DOCK1: variants seen among roughly 807,000 people sequenced by gnomAD.
The protein encoded by DOCK1 is dedicator of cytokinesis 1.
Under a neutral mutation model 262.7 loss-of-function variants are expected in DOCK1, and 138 were observed. That is an observed-to-expected ratio of 0.53 (90% confidence interval 0.46 to 0.61). The LOEUF (loss-of-function observed/expected upper bound fraction) is 0.61, where lower values mean the gene tolerates loss of function less well. Among genes scored for constraint, DOCK1 ranks in the 20% least tolerant of loss-of-function variants. DOCK1 has a pLI of 0.00. For missense variants in DOCK1, 1,908 were observed against 2,370.7 expected (o/e 0.80, Z 4.05); for synonymous variants, 866 against 867.4 (o/e 1.00, Z 0.03).
chr10:127,159,150 G>T (rs1182926008), intron 27 of DOCK1, among the ~76,000 whole-genome samples: 4 of 152,190 alleles, frequency 2.6e-5, no homozygotes, highest in African/African-American at 9.7e-5. Context: ...AAGGGATCTG[G>T]ACAAGCCAAT....
intron 27 of DOCK1, among the ~76,000 whole-genome samples, chr10:127,194,426 T>C (rs952891614): frequency 9.8e-5 from 15 of 152,322 alleles, no homozygotes; most frequent in African/African-American, 3.1e-4. Context: ...ATTGCAAAGA[T>C]AAATATGAAC....
At chr10:127,003,413 T>C (rs2040750839) in intron 10 of DOCK1, among the ~76,000 whole-genome samples, 1 of 152,236 alleles carries the variant, frequency 6.6e-6, no homozygotes, top group South Asian at 2.1e-4. Flanking sequence ...AGGCATTTGT[T>C]TTCCTCTGTG....
chr10:127,374,035 A>G (rs781108425), intron 34 of DOCK1, 23 bp from the exon 35 acceptor site: 2 of 1,588,086 alleles, frequency 1.3e-6, no homozygotes, highest in Admixed American at 3.6e-5. Flanking sequence ...GTGATTAACA[A>G]GGTGTGTATA....
At chr10:127,152,873 C>A (rs1485223125) in intron 27 of DOCK1, among the ~76,000 whole-genome samples, 1 of 152,156 alleles carries the variant, frequency 6.6e-6, no homozygotes, top group East Asian at 1.9e-4. Context: ...TTTTAAGGAA[C>A]CTGGGCCCTA....
At chr10:127,160,790 T>C (rs1388626761) in intron 27 of DOCK1, among the ~76,000 whole-genome samples, 1 of 152,230 alleles carries the variant, frequency 6.6e-6, no homozygotes, top group Non-Finnish European at 1.5e-5. Context: ...GTTAATTTAT[T>C]CTCTTAAGTT....
chr10:127,205,019 T>C (rs2057650378), intron 27 of DOCK1, among the ~76,000 whole-genome samples: 2 of 152,160 alleles, frequency 1.3e-5, no homozygotes, highest in Non-Finnish European at 2.9e-5. Flanking sequence ...TGCCCCTAAG[T>C]TCTAATAGAA....
chr10:127,151,527 C>T (rs970900996), intron 27 of DOCK1, among the ~76,000 whole-genome samples: 2 of 152,176 alleles, frequency 1.3e-5, no homozygotes, highest in African/African-American at 4.8e-5. Flanking sequence ...TCAAACACTA[C>T]CTCTTCTAGA....
At chr10:127,020,423 G>T (rs2135424043) in intron 13 of DOCK1, among the ~76,000 whole-genome samples, 1 of 152,204 alleles carries the variant, frequency 6.6e-6, no homozygotes, top group East Asian at 1.9e-4. Context: ...CGGCGTGGTG[G>T]TGAGTGCCAG....
intron 18 of DOCK1, among the ~76,000 whole-genome samples, chr10:127,036,043 T>A (rs9418806): frequency 0.072 from 10,616 of 147,540 alleles, 525 homozygotes; most frequent in East Asian, 0.13. Context: ...AATAAATAAA[T>A]AAAAAAGAGT....
intron 27 of DOCK1, among the ~76,000 whole-genome samples, chr10:127,229,474 G>C (rs1275013851): frequency 6.6e-6 from 1 of 152,130 alleles, no homozygotes; most frequent in Non-Finnish European, 1.5e-5. Flanking sequence ...TTAGAAGTGA[G>C]ATCATGCTGT....
chr10:127,045,200 T>TAAAA (rs71032534), intron 21 of DOCK1, among the ~76,000 whole-genome samples: 164 of 81,384 alleles, frequency 2.0e-3, no homozygotes, highest in East Asian at 3.3e-3. Flanking sequence ...TCTGTCTCAA[T>TAAAA]AAAAAAAAAA....
intron 32 of DOCK1, among the ~76,000 whole-genome samples, chr10:127,357,225 C>T (rs952718468): frequency 2.6e-5 from 4 of 152,198 alleles, no homozygotes; most frequent in Non-Finnish European, 5.9e-5. Context: ...GTGCTCCTGC[C>T]TTTCTAGTTT....
intron 23 of DOCK1, among the ~76,000 whole-genome samples, chr10:127,092,382 G>A (rs896058991): frequency 6.6e-6 from 1 of 152,194 alleles, no homozygotes; most frequent in Non-Finnish European, 1.5e-5. Context: ...CCCACCACGG[G>A]CCTGGCACTG....
chr10:127,067,117 G>T (rs1281278130), intron 23 of DOCK1, among the ~76,000 whole-genome samples: 1 of 152,228 alleles, frequency 6.6e-6, no homozygotes, highest in Non-Finnish European at 1.5e-5. Context: ...AAAAACTCTG[G>T]TGAAATGCCA....
At position 127,410,836 on chromosome 10, in the gene DOCK1, AC is replaced by A; in HGVS notation, c.4344-3del. ...TATCTAATGATCTGTCTGTCTCTGT[AC>A]AGTTTTTACAGGGTGAACGAGGTCC... On this transcript the variant is annotated splice_polypyrimidine_tract_variant and splice_region_variant and intron_variant, in intron 42 of 51. Coordinates refer to ENST00000623213, the MANE Select transcript of DOCK1 (RefSeq NM_001290223.2). The A allele has an allele frequency of 6.2e-7, 1 of 1,613,610 alleles. No individual in the cohort carries two copies. Among genetic ancestry groups the A allele is most frequent in the Non-Finnish European group, 8.5e-7 (1 of 1,179,794 alleles).
At chr10:127,194,574 C>A (rs1182919014) in intron 27 of DOCK1, among the ~76,000 whole-genome samples, 1 of 152,186 alleles carries the variant, frequency 6.6e-6, no homozygotes, top group Admixed American at 6.5e-5. Flanking sequence ...AGGGTTATAT[C>A]ATTTTCATGT....
rs373416529 is a variant in DOCK1, at chr10:127,451,390, G to A, written c.5624G>A (p.Arg1875His). The A allele has an allele frequency of 1.7e-5, 27 of 1,598,670 alleles. No homozygotes were observed. The highest frequency in any genetic ancestry group is 2.3e-5 in the South Asian group (2 of 87,856). The change falls in exon 52 of 52, where the codon CGC becomes CAC. Residue 1875 changes from arginine (R) to histidine (H), a missense_variant. Coordinates refer to ENST00000623213, the MANE Select transcript of DOCK1 (RefSeq NM_001290223.2). ...TPPPPPPKTT[R>H]KQASVDSGIV... is the part of the protein sequence containing the mutation. Reference sequence around the variant, plus strand: ...CCTCCTCCCCCTCCAAAGACAACTCGCAAGCAGGCATCGGTGGACTCCGGG... The same window carrying A: ...CCTCCTCCCCCTCCAAAGACAACTCACAAGCAGGCATCGGTGGACTCCGGG...
chr10:127,275,477 G>A (rs2060709085), intron 29 of DOCK1, among the ~76,000 whole-genome samples: 1 of 152,172 alleles, frequency 6.6e-6, no homozygotes, highest in Non-Finnish European at 1.5e-5. Flanking sequence ...CGTTCATTGG[G>A]TTTTCATGGC....
chr10:126,965,339 C>A (rs1195730784), intron 1 of DOCK1, among the ~76,000 whole-genome samples: 1 of 151,944 alleles, frequency 6.6e-6, no homozygotes, highest in South Asian at 2.1e-4. Flanking sequence ...CAGGTGGAGC[C>A]GAGGAGGGTG....
Sources: gnomAD v4.1 joint callset for allele counts (sites outside exome capture counted in the v4.1 genomes callset) on GRCh38, gnomAD v4.1.1 for gene constraint, MANE v1.5 for transcripts, NCBI Gene and HGNC (gene_info 2026-07-23, HGNC 2026-07-21) for gene names.